Variants in WRAP53 observed in about 807,000 individuals in gnomAD.
WRAP53 encodes telomerase Cajal body protein 1.
A neutral mutation model predicts 56.6 loss-of-function variants in WRAP53; 28 were observed. The observed-to-expected ratio is 0.50, with a 90% CI of 0.37 to 0.68. The LOEUF (loss-of-function observed/expected upper bound fraction) is 0.68. WRAP53 is among the 30% of genes least tolerant of loss of function. The pLI is 0.00. For missense variants in WRAP53, 671 were observed against 715.5 expected, an observed-to-expected ratio of 0.94 and a Z score of 0.71; for synonymous variants, 283 against 283.4, an observed-to-expected ratio of 1.00 and a Z score of 0.01.
Position 7,698,751 on chromosome 17 carries a change from C to T in WRAP53, c.643-1990C>T, listed in dbSNP as rs188533241. On this transcript the variant is annotated intron_variant, in intron 4 of 10. Transcript: ENST00000396463. ...AATTAGCCGGGCGTGATAGCAGGCG[C>T]CTGTAATCGTAGCTACTCAGGAGGC... 1.3e-4 allele frequency among the ~76,000 whole-genome samples: 20 copies of T among 152,154 alleles called. No homozygotes were observed. In the East Asian group the frequency reaches 3.9e-3, roughly 29 times the overall value.
intron 4 of WRAP53, among the ~76,000 whole-genome samples, chr17:7,695,623 C>G (rs887290660): frequency 3.9e-5 from 6 of 152,158 alleles, no homozygotes; most frequent in African/African-American, 1.4e-4. Flanking sequence ...GAGGCTTATG[C>G]TGATTCTCTC....
chr17:7,689,988 A>G (rs1222410113), intron 4 of WRAP53, among the ~76,000 whole-genome samples: 2 of 152,184 alleles, frequency 1.3e-5, no homozygotes, highest in African/African-American at 4.8e-5. Flanking sequence ...TTGCTCTGTC[A>G]CCCAGGCTGG....
In WRAP53 at chr17:7,688,898, G is replaced by C. The variant is rs747435394; in HGVS notation, c.250G>C (p.Gly84Arg). Reference sequence around the variant, plus strand: ...CTCCACTCCCCTGGAAACAGAGTTTGGTTCCCCTAGTGAGTTGAGTCCTCG... The same window carrying C: ...CTCCACTCCCCTGGAAACAGAGTTTCGTTCCCCTAGTGAGTTGAGTCCTCG... ...SLSTPLETEF[G>R]SPSELSPRIE... The change falls in exon 2 of 11, where the codon GGT becomes CGT. Residue 84 changes from glycine to arginine, a missense_variant. Gly to Arg is a moderately radical substitution (Grantham distance 125, BLOSUM62 -2). Transcript: ENST00000396463. 6.2e-7 allele frequency: 1 copy of C among 1,614,160 alleles called. No individual in the cohort carries two copies.
intron 4 of WRAP53, among the ~76,000 whole-genome samples, chr17:7,699,514 ATATATATTTAT>A (rs1567577654): frequency 2.8e-4 from 7 of 25,238 alleles, no homozygotes; most frequent in African/African-American, 1.1e-3. Flanking sequence ...ATATATATAT[ATATATATTTAT>A]ATATATATAT....
At chr17:7,700,864 C>G (rs960056891) in intron 5 of WRAP53, 35 bp downstream of exon 5, 2 of 1,516,484 alleles carry the variant, frequency 1.3e-6, no homozygotes, top group African/African-American at 2.7e-5. Context: ...CGCCGCCCCA[C>G]CACCCAGTTT....
chr17:7,688,843 G>A lies in WRAP53; in HGVS notation c.195G>A (p.Gln65=), dbSNP rs1415208736. 6.2e-7 allele frequency: 1 copy of A among 1,614,178 alleles called. No individual in the cohort carries two copies. The highest frequency in any genetic ancestry group is 1.7e-5 in the Admixed American group (1 of 60,024). The change falls in exon 2 of 11, where the codon CAG becomes CAA. Residue 65 remains glutamine (Q), a synonymous_variant. Transcript: ENST00000396463. ...CTGTGGCTGGCTCAGCTGTGTCCCA[G>A]GAGCTACGGGAGGGGGACCCAGTTT... The part of the protein sequence containing the change: ...PDPVAGSAVS[Q]ELREGDPVSL...
intron 4 of WRAP53, among the ~76,000 whole-genome samples, chr17:7,694,449 G>T (rs1206769392): frequency 6.6e-6 from 1 of 151,896 alleles, no homozygotes; most frequent in Non-Finnish European, 1.5e-5. Flanking sequence ...CGCCAAGTTG[G>T]CCAGGCTGGT....
In WRAP53 at chr17:7,689,636, T is replaced by C. The variant is rs1388288390; in HGVS notation, c.577T>C (p.Leu193=). Residue 193 remains leucine (L), a synonymous_variant, in exon 4 of 11, where the codon TTG becomes CTG. Transcript: ENST00000396463. ...CILTNSADNI[L]RIYNLPPELY... is the part of the protein sequence containing the mutation. Reference sequence around the variant, plus strand: ...CTTGACCAATAGTGCTGATAACATCTTGCGAATTTATAACCTGCCCCCAGA... The same window carrying C: ...CTTGACCAATAGTGCTGATAACATCCTGCGAATTTATAACCTGCCCCCAGA... 5 of 1,614,014 alleles carry C rather than the reference T, an allele frequency of 3.1e-6. No homozygotes were observed. Among genetic ancestry groups the C allele is most frequent in the African/African-American group, 1.3e-5 (1 of 74,906 alleles).
chr17:7,701,054 C>T lies in WRAP53; in HGVS notation c.731+225C>T, dbSNP rs1368588039. Among the ~76,000 whole-genome samples, 5 of 151,984 alleles carry T rather than the reference C, an allele frequency of 3.3e-5. No individual in the cohort carries two copies. The highest frequency in any genetic ancestry group is 7.4e-5 in the Non-Finnish European group (5 of 68,000). On this transcript the variant is annotated intron_variant, in intron 5 of 10. Coordinates refer to ENST00000396463, the MANE Select transcript of WRAP53 (RefSeq NM_001143992.2). This position sits in a 1 kb window ranked among gnomAD's most constrained non-coding sequence, Gnocchi z 4.2. ...GTGATGCAGTCTCAGCTCACTGCAA[C>T]CTCCGCCTCCCAGGTTGAAGTGATT...
chr17:7,694,884 C>A (rs1241647562), intron 4 of WRAP53, among the ~76,000 whole-genome samples: 1 of 149,456 alleles, frequency 6.7e-6, no homozygotes, highest in East Asian at 2.0e-4. Context: ...TGCTAGTGTA[C>A]CAGTTCTATC....
rs17882137 is a variant in WRAP53, at chr17:7,689,202, T to C, written c.432-22T>C. 8.3e-4 allele frequency: 1,336 copies of C among 1,613,890 alleles called. 19 individuals are homozygous for C. In the South Asian group the frequency reaches 0.013, roughly 16 times the overall value. ...CCCTTTGCTTGGCGACCCAGGTTTA[T>C]TGTCCCCCATCTTCCTTTCAGCGCT... On this transcript the variant is annotated intron_variant, in intron 2 of 10. Coordinates refer to ENST00000396463, the MANE Select transcript of WRAP53 (RefSeq NM_001143992.2).
At chr17:7,686,227 AG>A (rs2073960881), upstream of WRAP53, 1 of 152,184 alleles carries the variant, frequency 6.6e-6, no homozygotes, top group South Asian at 2.1e-4. Flanking sequence ...GATAACAGGT[AG>A]ATTGTTTTTC....
At chr17:7,698,707 T>C (rs936624610) in intron 4 of WRAP53, among the ~76,000 whole-genome samples, 2 of 151,920 alleles carry the variant, frequency 1.3e-5, no homozygotes, top group African/African-American at 4.8e-5. Flanking sequence ...AAACCCCGTC[T>C]CTACTAAAAA....
At position 7,699,526 on chromosome 17, in the gene WRAP53, A is replaced by ATATATT. The variant is rs1567577745; in HGVS notation, c.643-1210_643-1209insTTATAT. On this transcript the variant is annotated intron_variant, in intron 4 of 10. Coordinates refer to ENST00000396463, the MANE Select transcript of WRAP53 (RefSeq NM_001143992.2). ...TTTATATATATATATATATATTTAT[A>ATATATT]TATATATATATATTCCTAAGGAAAT... Among the ~76,000 whole-genome samples, 28 of 61,930 alleles carry ATATATT rather than the reference A, an allele frequency of 4.5e-4. 1 individual carries two copies. The highest frequency in any genetic ancestry group is 6.2e-3 in the Middle Eastern group (1 of 162). 40.6% of individuals were successfully genotyped at this position (61,930 alleles called of 152,430 possible). A position where few individuals can be genotyped will look rare whatever the true frequency, so the allele number is the denominator to read the frequency against.
chr17:7,686,130 G>GGACCACACGGAC (rs1390164822), upstream of WRAP53: 1 of 152,246 alleles, frequency 6.6e-6, no homozygotes, highest in Non-Finnish European at 1.5e-5. Context: ...GCTGCACGGA[G>GGACCACACGGAC]GACCACACGG....
Position 7,702,162 on chromosome 17 carries a change from A to T in WRAP53, c.956-182A>T. 1.4e-6 allele frequency: 1 copy of T among 730,384 alleles called. No individual in the cohort carries two copies. The highest frequency in any genetic ancestry group is 2.4e-6 in the Non-Finnish European group (1 of 425,478). The allele number at this position is 730,384 out of a possible 1,614,324, so 45.2% of individuals were successfully genotyped here. On this transcript the variant is annotated intron_variant, in intron 7 of 10. Transcript: ENST00000396463. This position sits in a 1 kb window ranked among gnomAD's most constrained non-coding sequence, Gnocchi z 5.0. ...GGGATGAAGTGGGGCTTGGGCATTT[A>T]GGTCCTTTGGGAGGATAGATGTGGG...
Position 7,689,077 on chromosome 17 carries a change from C to G in WRAP53, c.429C>G (p.Asp143Glu), listed in dbSNP as rs753206220. The change falls in exon 2 of 11, where the codon GAC becomes GAG. Residue 143 changes from aspartate to glutamate, a missense_variant and splice_region_variant. Coordinates refer to ENST00000396463, the MANE Select transcript of WRAP53 (RefSeq NM_001143992.2). Reference protein sequence around the residue: ...SGEPAAEDEGDTAWNYSFSQL... With the variant: ...SGEPAAEDEGETAWNYSFSQL... The stretch of plus-strand genomic sequence containing the variant: ...AACCCGCTGCAGAGGACGAGGGAGA[C>G]ACGTAAGTGGTGATGGCAGTGGAGT... 2.5e-6 allele frequency: 4 copies of G among 1,614,070 alleles called. No individual in the cohort carries two copies. Among genetic ancestry groups the G allele is most frequent in the African/African-American group, 1.3e-5 (1 of 75,016 alleles).
intron 4 of WRAP53, among the ~76,000 whole-genome samples, chr17:7,696,779 A>T (rs542438207): frequency 6.6e-6 from 1 of 152,182 alleles, no homozygotes; most frequent in South Asian, 2.1e-4. Flanking sequence ...AGATTTCAGG[A>T]TTGAGCACTG....
At chr17:7,698,899 T>A (rs1455617479) in intron 4 of WRAP53, among the ~76,000 whole-genome samples, 1 of 150,952 alleles carries the variant, frequency 6.6e-6, no homozygotes, top group Non-Finnish European at 1.5e-5. Flanking sequence ...AATAAATAAA[T>A]AAATAAATAA....
Sources: gnomAD v4.1 joint callset for allele counts (sites outside exome capture counted in the v4.1 genomes callset) on GRCh38, gnomAD v4.1.1 for gene constraint, Gnocchi (gnomAD v3.1) non-coding constraint, MANE v1.5 for transcripts, NCBI Gene and HGNC (gene_info 2026-07-23, HGNC 2026-07-21) for gene names.